CADPS2: variants seen among roughly 807,000 people sequenced by gnomAD.
CADPS2 encodes the protein calcium dependent secretion activator 2, also known as calcium-dependent secretion activator 2.
A neutral mutation model predicts 172.5 loss-of-function variants in CADPS2; 93 were observed. That is an observed-to-expected ratio of 0.54 (90% CI 0.46 to 0.64). The LOEUF is 0.64. Ranked by LOEUF, CADPS2 falls within the 30% of genes least tolerant of loss-of-function variation. The pLI is 0.00. For missense variants in CADPS2, 1,420 were observed against 1,565.9 expected, an observed-to-expected ratio of 0.91 and a Z score of 1.57; for synonymous variants, 546 against 555.2, an observed-to-expected ratio of 0.98 and a Z score of 0.23.
intron 1 of CADPS2, among the ~76,000 whole-genome samples, chr7:122,865,079 G>A (rs1399463121): frequency 1.3e-5 from 2 of 152,122 alleles, no homozygotes; most frequent in Non-Finnish European, 2.9e-5. Flanking sequence ...CCTGTGGTGG[G>A]TGGTGAGGGA....
intron 27 of CADPS2, among the ~76,000 whole-genome samples, chr7:122,354,101 ATTCAGATGTGAC>A (rs1200755768): frequency 9.2e-5 from 14 of 152,210 alleles, no homozygotes; most frequent in Non-Finnish European, 1.6e-4. Context: ...CCTTGAAAGA[ATTCAGATGTGAC>A]TTGTTCACAA....
At chr7:122,589,251 T>C (rs2070325851) in intron 6 of CADPS2, among the ~76,000 whole-genome samples, 1 of 151,970 alleles carries the variant, frequency 6.6e-6, no homozygotes, top group South Asian at 2.1e-4. Context: ...TTATCTCCTT[T>C]TAATTGAATA....
intron 1 of CADPS2, among the ~76,000 whole-genome samples, chr7:122,883,097 G>A (rs567001563): frequency 5.9e-5 from 9 of 152,182 alleles, no homozygotes; most frequent in South Asian, 2.1e-4. Context: ...TCATGTGTTC[G>A]TTAACTGTGT....
chr7:122,486,949 A>G (rs1458691325), intron 11 of CADPS2, among the ~76,000 whole-genome samples: 3 of 152,128 alleles, frequency 2.0e-5, no homozygotes, highest in Non-Finnish European at 4.4e-5. Flanking sequence ...AGAATTTTAA[A>G]ATTATGTTTT....
intron 12 of CADPS2, among the ~76,000 whole-genome samples, chr7:122,478,822 G>GA (rs544178534): frequency 3.8e-4 from 58 of 152,122 alleles, no homozygotes; most frequent in Admixed American, 1.7e-3. Context: ...ATGTGAGATT[G>GA]AAAAAAATTT....
At chr7:122,780,015 C>T (rs1792261822) in intron 1 of CADPS2, among the ~76,000 whole-genome samples, 1 of 152,138 alleles carries the variant, frequency 6.6e-6, no homozygotes, top group South Asian at 2.1e-4. Flanking sequence ...GGCATCCTTC[C>T]ATGTTGCCAT....
chr7:122,857,491 C>T (rs1192269635), intron 1 of CADPS2, among the ~76,000 whole-genome samples: 1 of 152,024 alleles, frequency 6.6e-6, no homozygotes. Context: ...AGTGGGAAGC[C>T]CTGAGTATGC....
intron 29 of CADPS2, 58 bp from the exon 30 acceptor site, chr7:122,320,396 T>A: frequency 1.5e-6 from 2 of 1,318,242 alleles, no homozygotes; most frequent in Non-Finnish European, 2.0e-6. Flanking sequence ...TGTACATAGA[T>A]ATATACTCAG....
At chr7:122,724,699 T>A (rs1282867632) in intron 2 of CADPS2, among the ~76,000 whole-genome samples, 1 of 152,062 alleles carries the variant, frequency 6.6e-6, no homozygotes, top group East Asian at 1.9e-4. Flanking sequence ...GATCTGGAAG[T>A]CCAATCCAGA....
rs755398654 is a variant in CADPS2, at chr7:122,702,468, G to T, written c.453+34487C>A. 36 of 1,613,712 alleles carry T rather than the reference G, an allele frequency of 2.2e-5. 1 individual carries two copies. The South Asian group carries it at 3.3e-4, about 15-fold the overall frequency. On this transcript the variant is annotated intron_variant, in intron 2 of 29. Transcript: ENST00000449022. ...GCCAGCCATGAGTCTGCCTGTTTGG[G>T]CCTGCTGAAATTGGTCAAAGGATGA...
At chr7:122,794,150 T>C (rs868310957) in intron 1 of CADPS2, among the ~76,000 whole-genome samples, 38 of 152,110 alleles carry the variant, frequency 2.5e-4, no homozygotes, top group Admixed American at 2.1e-3. Context: ...TTGGCCACTC[T>C]AGGTAGATTG....
At chr7:122,701,458 G>A (rs563806285) in intron 2 of CADPS2, among the ~76,000 whole-genome samples, 39 of 152,214 alleles carry the variant, frequency 2.6e-4, no homozygotes, top group Admixed American at 2.3e-3. Flanking sequence ...GGGAAGCGGG[G>A]AGGGATAGCA....
chr7:122,570,455 C>T (rs1279471482), intron 7 of CADPS2, among the ~76,000 whole-genome samples: 2 of 146,844 alleles, frequency 1.4e-5, no homozygotes, highest in Non-Finnish European at 3.0e-5. Context: ...CTAGTTCAAC[C>T]ATTGTGGAAG....
intron 7 of CADPS2, among the ~76,000 whole-genome samples, chr7:122,555,152 G>A (rs1174567274): frequency 2.6e-5 from 4 of 152,024 alleles, no homozygotes; most frequent in Admixed American, 2.6e-4. Flanking sequence ...AGTATAAAAG[G>A]AAATCAACTC....
chr7:122,833,597 T>C (rs562874389), intron 1 of CADPS2, among the ~76,000 whole-genome samples: 3 of 152,132 alleles, frequency 2.0e-5, no homozygotes, highest in South Asian at 4.2e-4. Flanking sequence ...GGTTTCACCA[T>C]GTTGGCCAGG....
intron 1 of CADPS2, among the ~76,000 whole-genome samples, chr7:122,871,179 G>A (rs1672406670): frequency 6.7e-6 from 1 of 150,350 alleles, no homozygotes; most frequent in African/African-American, 2.5e-5. Flanking sequence ...TTGCCACAGT[G>A]CTGGGAAAAA....
chr7:122,474,444 G>A lies in CADPS2; in HGVS notation c.1935C>T (p.Phe645=), dbSNP rs201882662. ...TCTGCCTCTGGAGTATTCTAAAAAGGAAGGCATGATCAAGCTTGCAGGGGT... is the reference window on the plus strand; with the variant it reads ...TCTGCCTCTGGAGTATTCTAAAAAGAAAGGCATGATCAAGCTTGCAGGGGT... ...SANPCKLDHA[F]LFRILQRQTL... The change falls in exon 13 of 30, where the codon TTC becomes TTT. Residue 645 remains phenylalanine (F), a synonymous_variant. Coordinates refer to ENST00000449022, the MANE Select transcript of CADPS2 (RefSeq NM_017954.11). The A allele has an allele frequency of 1.2e-6, 2 of 1,613,348 alleles. No individual in the cohort carries two copies. The highest frequency in any genetic ancestry group is 2.7e-5 in the African/African-American group (2 of 74,952).
At chr7:122,820,894 T>C (rs994711995) in intron 1 of CADPS2, among the ~76,000 whole-genome samples, 8 of 143,786 alleles carry the variant, frequency 5.6e-5, no homozygotes, top group Admixed American at 3.5e-4. Flanking sequence ...CATGTCTGCA[T>C]GCAGTGGCTG....
Position 122,721,638 on chromosome 7 carries a change from G to A in CADPS2, c.453+15317C>T, listed in dbSNP as rs2090416943. Among the ~76,000 whole-genome samples, 5 of 152,136 alleles carry A rather than the reference G, an allele frequency of 3.3e-5. No individual in the cohort carries two copies. In the South Asian group the frequency reaches 6.2e-4, roughly 19 times the overall value. ...AGGAGGAGCTGGTACCATTCCTTCC[G>A]AAACTATTCCAATCAACAGAAAAAG... On this transcript the variant is annotated intron_variant, in intron 2 of 29. Transcript: ENST00000449022.
Sources: gnomAD v4.1 joint callset for allele counts (sites outside exome capture counted in the v4.1 genomes callset) on GRCh38, gnomAD v4.1.1 for gene constraint, MANE v1.5 for transcripts, NCBI Gene and HGNC (gene_info 2026-07-23, HGNC 2026-07-21) for gene names.